RASSF2: variants seen among roughly 807,000 people sequenced by gnomAD.
The protein encoded by RASSF2 is Ras association domain family member 2.
Under a neutral mutation model 46.3 loss-of-function variants are expected in RASSF2, and 34 were observed. The ratio of observed to expected loss-of-function variants is 0.73; its 90% CI spans 0.56 to 0.98. RASSF2 has a LOEUF of 0.98. Ranked by LOEUF, RASSF2 falls within the 50% of genes least tolerant of loss-of-function variation. RASSF2 has a pLI of 0.00. For synonymous variants in RASSF2, 158 were observed against 162.5 expected (o/e 0.97, Z 0.21); for missense variants, 364 against 431.2 (o/e 0.84, Z 1.38).
intron 11 of RASSF2, among the ~76,000 whole-genome samples, chr20:4,784,703 T>C (rs1474691136): frequency 2.6e-5 from 4 of 151,542 alleles, no homozygotes; most frequent in Non-Finnish European, 5.9e-5. Context: ...TAGTACTTCA[T>C]ATGCACAGCA....
chr20:4,794,200 G>A (rs1926140304), intron 5 of RASSF2, among the ~76,000 whole-genome samples: 1 of 152,144 alleles, frequency 6.6e-6, no homozygotes, highest in African/African-American at 2.4e-5. Flanking sequence ...CAAGGTGGGA[G>A]GATTGCCTGA....
chr20:4,810,220 T>A (rs940079930), intron 2 of RASSF2, among the ~76,000 whole-genome samples: 1 of 152,154 alleles, frequency 6.6e-6, no homozygotes, highest in African/African-American at 2.4e-5. Context: ...GCTGAAGCCC[T>A]GCAGCAGTTG....
chr20:4,801,326 A>G (rs975784174), intron 2 of RASSF2, among the ~76,000 whole-genome samples: 1 of 152,192 alleles, frequency 6.6e-6, no homozygotes, highest in Non-Finnish European at 1.5e-5. Flanking sequence ...CCAGCCACAG[A>G]GCACACTGAC....
At position 4,792,539 on chromosome 20, in the gene RASSF2, C is replaced by T; in HGVS notation, c.376G>A (p.Asp126Asn). The T allele has an allele frequency of 1.2e-6, 2 of 1,614,110 alleles. No homozygotes were observed. Among genetic ancestry groups the T allele is most frequent in the Non-Finnish European group, 1.7e-6 (2 of 1,180,016 alleles). ...PEGDQMPSST[D>N]SRGLKPLQED... is the part of the protein sequence containing the mutation. ...GGAAGTACCTTCCACTCACATGTACCTGTGGAGCTTGGCATCTGGTCACCC... is the reference window on the plus strand; with the variant it reads ...GGAAGTACCTTCCACTCACATGTACTTGTGGAGCTTGGCATCTGGTCACCC... Residue 126 changes from aspartate to asparagine, a missense_variant and splice_region_variant, in exon 6 of 12, where the codon GAC becomes AAC. Asp to Asn is a conservative substitution (Grantham distance 23, BLOSUM62 1). Transcript: ENST00000379400.
chr20:4,820,643 A>C (rs2122707688), intron 2 of RASSF2, among the ~76,000 whole-genome samples: 1 of 152,328 alleles, frequency 6.6e-6, no homozygotes, highest in Non-Finnish European at 1.5e-5. Context: ...GGGAGGTAGC[A>C]GGAGGGAATT....
intron 11 of RASSF2, among the ~76,000 whole-genome samples, chr20:4,784,576 G>A (rs1043527675): frequency 8.6e-6 from 1 of 115,906 alleles, no homozygotes; most frequent in African/African-American, 3.5e-5. Context: ...ATTTTACTAT[G>A]GGTAGAACAT....
intron 5 of RASSF2, among the ~76,000 whole-genome samples, chr20:4,793,903 T>A (rs1404372799): frequency 6.6e-6 from 1 of 152,144 alleles, no homozygotes; most frequent in Non-Finnish European, 1.5e-5. Flanking sequence ...AGGACCAGCT[T>A]GATGCCGCAG....
At chr20:4,814,772 TC>T (rs1402899485) in intron 2 of RASSF2, among the ~76,000 whole-genome samples, 9 of 152,144 alleles carry the variant, frequency 5.9e-5, no homozygotes, top group Non-Finnish European at 1.0e-4. Context: ...CTCAGACCCC[TC>T]CTAGTGCCAG....
intron 2 of RASSF2, among the ~76,000 whole-genome samples, chr20:4,804,627 C>T (rs1301419546): frequency 1.3e-5 from 2 of 152,216 alleles, no homozygotes; most frequent in Non-Finnish European, 2.9e-5. Context: ...CCTGAGCCAC[C>T]ATGCCTGGCC....
At chr20:4,809,804 C>T (rs1348519360) in intron 2 of RASSF2, among the ~76,000 whole-genome samples, 1 of 152,130 alleles carries the variant, frequency 6.6e-6, no homozygotes, top group African/African-American at 2.4e-5. Context: ...GTGCGTTCAG[C>T]TGGAGCCCAG....
chr20:4,808,136 A>G (rs944504821), intron 2 of RASSF2, among the ~76,000 whole-genome samples: 1 of 152,246 alleles, frequency 6.6e-6, no homozygotes, highest in African/African-American at 2.4e-5. Context: ...CACTTCCTCC[A>G]GGGGTGCCTG....
chr20:4,819,528 G>A (rs1200865698), intron 2 of RASSF2, among the ~76,000 whole-genome samples: 1 of 152,156 alleles, frequency 6.6e-6, no homozygotes, highest in Non-Finnish European at 1.5e-5. Context: ...AAAGAGAGGC[G>A]AGGAAGCTGG....
intron 2 of RASSF2, among the ~76,000 whole-genome samples, chr20:4,814,307 C>G (rs763129547): frequency 6.6e-5 from 10 of 152,154 alleles, no homozygotes; most frequent in Non-Finnish European, 1.5e-5. Flanking sequence ...GCCTCCGGGT[C>G]CCCTGTTTCC....
At position 4,788,249 on chromosome 20, in the gene RASSF2, T is replaced by A; in HGVS notation, c.659A>T (p.Glu220Val). 6.2e-7 allele frequency: 1 copy of A among 1,609,110 alleles called. No individual in the cohort carries two copies. Among genetic ancestry groups the A allele is most frequent in the African/African-American group, 1.3e-5 (1 of 74,958 alleles). ...NKFKIENSAE[E>V]FALYVVHTSG... ...CGTATGGACCACGTACAAGGCAAACTCCTCTGCTGAATTCTCAATCTGAAG... is the reference window on the plus strand; with the variant it reads ...CGTATGGACCACGTACAAGGCAAACACCTCTGCTGAATTCTCAATCTGAAG... Residue 220 changes from glutamate (E) to valine (V), a missense_variant, in exon 9 of 12, where the codon GAG (glutamate) becomes GTG (valine). Coordinates refer to ENST00000379400, the MANE Select transcript of RASSF2 (RefSeq NM_014737.3).
At chr20:4,801,456 A>G (rs983541471) in intron 2 of RASSF2, among the ~76,000 whole-genome samples, 2 of 152,214 alleles carry the variant, frequency 1.3e-5, no homozygotes, top group Admixed American at 6.5e-5. Context: ...GAGGATGGGT[A>G]AACCACCTGA....
At chr20:4,801,549 T>A (rs6515941) in intron 2 of RASSF2, among the ~76,000 whole-genome samples, 71 of 152,024 alleles carry the variant, frequency 4.7e-4, no homozygotes, top group African/African-American at 1.6e-3. Context: ...GAAAGACAAT[T>A]TAATTATAAC....
At position 4,801,068 on chromosome 20, in the gene RASSF2, T is replaced by C; in HGVS notation, c.-32-6A>G. 2 of 1,608,698 alleles carry C rather than the reference T, an allele frequency of 1.2e-6. No individual in the cohort carries two copies. The highest frequency in any genetic ancestry group is 1.7e-6 in the Non-Finnish European group (2 of 1,175,218). On this transcript the variant is annotated splice_region_variant and splice_polypyrimidine_tract_variant and intron_variant, in intron 2 of 11. Transcript: ENST00000379400. ...TTTTCATCGGAAGGAGAGGCCTACA[T>C]TTGGAAGGAGAAGACAGAGGTTAAA...
At position 4,787,728 on chromosome 20, in the gene RASSF2, A is replaced by C; in HGVS notation, c.718T>G (p.Tyr240Asp). The C allele has an allele frequency of 6.2e-7, 1 of 1,614,152 alleles. No homozygotes were observed. Reference protein sequence around the residue: ...GEKQKLKATDYPLIARILQGP... With the variant: ...GEKQKLKATDDPLIARILQGP... ...TGGAGGATTCGGGCAATCAGCGGGT[A>C]ATCGGTGGCCTTCAGCTTCTGTTTC... Residue 240 changes from tyrosine (Y) to aspartate (D), a missense_variant, in exon 10 of 12, where the codon TAC (tyrosine) becomes GAC (aspartate). Physicochemically the swap from Tyr to Asp is radical, Grantham distance 160 (BLOSUM62 -3). Transcript: ENST00000379400.
At chr20:4,810,089 G>A (rs1269655352) in intron 2 of RASSF2, among the ~76,000 whole-genome samples, 1 of 152,156 alleles carries the variant, frequency 6.6e-6, no homozygotes, top group Non-Finnish European at 1.5e-5. Flanking sequence ...GCAACTACTG[G>A]GTCTGTCACT....
Sources: gnomAD v4.1 joint callset for allele counts (sites outside exome capture counted in the v4.1 genomes callset) on GRCh38, gnomAD v4.1.1 for gene constraint, MANE v1.5 for transcripts, NCBI Gene and HGNC (gene_info 2026-07-23, HGNC 2026-07-21) for gene names.